The following APPBP2 variants were observed in gnomAD, a reference collection of about 807,000 sequenced individuals.
APPBP2 encodes amyloid protein-binding protein 2.
In APPBP2, 15 loss-of-function variants were observed where a neutral mutation model predicts 76.0. That is an observed-to-expected ratio of 0.20 (90% CI 0.13 to 0.30). The LOEUF is 0.30. APPBP2 is among the 10% of genes least tolerant of loss of function. APPBP2 has a pLI of 1.00. For synonymous variants in APPBP2, 222 were observed against 242.2 expected (o/e 0.92, Z 0.77); for missense variants, 401 against 687.2 (o/e 0.58, Z 4.66).
At chr17:60,479,393 T>C (rs2090613806) in intron 3 of APPBP2, 122 bp from the exon 4 acceptor site, 2 of 1,051,096 alleles carry the variant, frequency 1.9e-6, no homozygotes, top group South Asian at 3.5e-5. Flanking sequence ...ATCTTGTGTT[T>C]AGCATACAAC....
intron 1 of APPBP2, among the ~76,000 whole-genome samples, chr17:60,506,165 A>AT (rs1430779284): frequency 6.7e-6 from 1 of 148,846 alleles, no homozygotes; most frequent in Non-Finnish European, 1.5e-5. Flanking sequence ...TAATTTTTCC[A>AT]TTTTTTCTGT....
rs189486140 is a variant in APPBP2 at position 60,482,730 on chromosome 17, G to T, written c.380-3459C>A. Among the ~76,000 whole-genome samples the T allele has an allele frequency of 2.3e-3, 343 of 152,240 alleles. 11 individuals carry two copies. The South Asian group carries it at 0.036, about 16-fold the overall frequency. ...AGTTTGCTCAGAATGATGGTTTCCA[G>T]CTTCATCCATGTCCCTACAAAGGAC... On this transcript the variant is annotated intron_variant, in intron 3 of 12. Coordinates refer to ENST00000083182, the MANE Select transcript of APPBP2 (RefSeq NM_006380.5).
chr17:60,523,197 T>A (rs2091024586), intron 1 of APPBP2, among the ~76,000 whole-genome samples: 1 of 152,174 alleles, frequency 6.6e-6, no homozygotes, highest in African/African-American at 2.4e-5. Flanking sequence ...AATTGGAAAT[T>A]GGAAACAGTA....
At chr17:60,466,498 T>G (rs1407711407) in intron 4 of APPBP2, 39 bp from the exon 5 acceptor site, 1 of 1,590,628 alleles carries the variant, frequency 6.3e-7, no homozygotes, top group Admixed American at 1.7e-5. Flanking sequence ...TTTTGATATT[T>G]TCAGCTTGGT....
intron 2 of APPBP2, among the ~76,000 whole-genome samples, chr17:60,495,323 T>C (rs992628345): frequency 9.9e-5 from 15 of 151,972 alleles, no homozygotes; most frequent in African/African-American, 3.4e-4. Flanking sequence ...GATATATAAA[T>C]GCCAATAAAC....
intron 1 of APPBP2, among the ~76,000 whole-genome samples, chr17:60,515,618 C>A (rs1476101348): frequency 6.6e-6 from 1 of 152,200 alleles, no homozygotes; most frequent in Non-Finnish European, 1.5e-5. Flanking sequence ...TAACTTTCAA[C>A]AACTAAATTT....
At position 60,444,129 on chromosome 17, in the gene APPBP2, G is replaced by GAAA. The variant is rs201052278; in HGVS notation, c.*3449_*3451dup. The GAAA allele has an allele frequency of 3.7e-3, 486 of 129,814 alleles. 3 individuals are homozygous for GAAA. The highest frequency in any genetic ancestry group is 0.013 in the African/African-American group (462 of 36,036). The allele number at this position is 129,814 out of a possible 1,614,324, so 8.0% of individuals were successfully genotyped here. ...GGGCAACAAGAGCGAAACTCCGTCTGAAAAAAAAAAAAAAAATTTCCTGGC... is the reference window on the plus strand; with the variant it reads ...GGGCAACAAGAGCGAAACTCCGTCTGAAAAAAAAAAAAAAAAAAATTTCCTGGC... On this transcript the variant is annotated 3_prime_UTR_variant, in exon 13 of 13. Coordinates refer to ENST00000083182, the MANE Select transcript of APPBP2 (RefSeq NM_006380.5).
chr17:60,460,651 T>C lies in APPBP2; in HGVS notation c.1061+12A>G, dbSNP rs1421995078. The stretch of plus-strand genomic sequence containing the variant: ...TATTTCCTCCTTCAGAGAAAAGGAA[T>C]GTGGAACTTACAGTGCATTGTCAAA... On this transcript the variant is annotated intron_variant, in intron 9 of 12. Coordinates refer to ENST00000083182, the MANE Select transcript of APPBP2 (RefSeq NM_006380.5). The C allele has an allele frequency of 1.2e-6, 2 of 1,604,414 alleles. No homozygotes were observed. The highest frequency in any genetic ancestry group is 1.7e-6 in the Non-Finnish European group (2 of 1,176,060).
At chr17:60,525,152 A>G (rs978092780) in intron 1 of APPBP2, among the ~76,000 whole-genome samples, 1 of 152,196 alleles carries the variant, frequency 6.6e-6, no homozygotes, top group South Asian at 2.1e-4. Flanking sequence ...TGTCCTCTTC[A>G]AACAGTTGAT....
intron 4 of APPBP2, among the ~76,000 whole-genome samples, chr17:60,477,866 T>G (rs2090602070): frequency 6.7e-6 from 1 of 149,728 alleles, no homozygotes; most frequent in Admixed American, 6.7e-5. Context: ...TCTGGCTGGG[T>G]GTAGAGGTTC....
At chr17:60,455,866 C>T (rs2090427330) in intron 10 of APPBP2, among the ~76,000 whole-genome samples, 1 of 151,610 alleles carries the variant, frequency 6.6e-6, no homozygotes, top group Non-Finnish European at 1.5e-5. Flanking sequence ...CAACCTCTGC[C>T]TCCTGGGTTC....
intron 1 of APPBP2, among the ~76,000 whole-genome samples, chr17:60,503,269 C>A (rs2090838048): frequency 1.4e-5 from 2 of 146,284 alleles, no homozygotes; most frequent in African/African-American, 5.6e-5. Context: ...CCTCAGCCTT[C>A]CAAAGTGCTG....
chr17:60,476,767 AT>A (rs1199020841), intron 4 of APPBP2, among the ~76,000 whole-genome samples: 2 of 152,128 alleles, frequency 1.3e-5, no homozygotes, highest in African/African-American at 4.8e-5. Context: ...TTATTTTAAA[AT>A]TTTTTATAGA....
intron 1 of APPBP2, chr17:60,513,473 T>G (rs16944464): frequency 0.029 from 16,876 of 584,626 alleles, 2,206 homozygotes; most frequent in African/African-American, 0.28. Flanking sequence ...ACAGGGCATT[T>G]CAGAAGATGG....
intron 4 of APPBP2, among the ~76,000 whole-genome samples, chr17:60,469,177 T>G (rs1052618028): frequency 6.6e-6 from 1 of 151,586 alleles, no homozygotes; most frequent in African/African-American, 2.4e-5. Context: ...CAAAAAAAAA[T>G]TAGCTTGGCA....
At chr17:60,506,535 T>G (rs115361216) in intron 1 of APPBP2, among the ~76,000 whole-genome samples, 2,282 of 152,354 alleles carry the variant, frequency 0.015, 55 homozygotes, top group African/African-American at 0.051. Flanking sequence ...CTAAATTCTA[T>G]GTCCTGTTAA....
chr17:60,476,704 G>A (rs1402073754), intron 4 of APPBP2, among the ~76,000 whole-genome samples: 1 of 152,102 alleles, frequency 6.6e-6, no homozygotes, highest in African/African-American at 2.4e-5. Context: ...TTTCACATGT[G>A]CTTGCTAAAA....
chr17:60,492,847 C>G (rs59713752), intron 3 of APPBP2, among the ~76,000 whole-genome samples: 12,482 of 152,040 alleles, frequency 0.082, 1,696 homozygotes, highest in African/African-American at 0.28. Context: ...AGGACTGTTG[C>G]GAAGGCATGA....
At chr17:60,448,332 G>A (rs146126139) in intron 12 of APPBP2, among the ~76,000 whole-genome samples, 1 of 152,292 alleles carries the variant, frequency 6.6e-6, no homozygotes, top group East Asian at 1.9e-4. Flanking sequence ...GCGTGGTGGT[G>A]CATGCTTGTA....
Sources: allele counts gnomAD v4.1 joint callset (sites outside exome capture counted in the v4.1 genomes callset), GRCh38; gene constraint gnomAD v4.1.1; transcripts MANE v1.5; gene names NCBI Gene and HGNC (gene_info 2026-07-23, HGNC 2026-07-21).